Variants in KLF12 observed in about 807,000 individuals in gnomAD.
The protein encoded by KLF12 is Krueppel-like factor 12.
Under a neutral mutation model 37.8 loss-of-function variants are expected in KLF12, and 9 were observed. The observed-to-expected ratio is 0.24, with a 90% CI of 0.14 to 0.42. The LOEUF is 0.42. Among genes scored for constraint, KLF12 ranks in the 10% least tolerant of loss-of-function variants. The pLI, the probability that KLF12 is intolerant of heterozygous loss-of-function variation, is 1.00. For missense variants in KLF12, 411 were observed against 516.0 expected (o/e 0.80, Z 1.97); for synonymous variants, 208 against 202.1 (o/e 1.03, Z -0.25).
intron 1 of KLF12, among the ~76,000 whole-genome samples, chr13:74,126,890 A>C (rs1389866717): frequency 1.3e-5 from 2 of 152,238 alleles, no homozygotes; most frequent in South Asian, 4.1e-4. Flanking sequence ...CCTGTTTACT[A>C]AAGAGTACAT....
chr13:73,749,007 C>T (rs1473427771), intron 6 of KLF12, among the ~76,000 whole-genome samples: 1 of 152,168 alleles, frequency 6.6e-6, no homozygotes, highest in Non-Finnish European at 1.5e-5. Flanking sequence ...GGCCAATTAA[C>T]ACTCGATTTA....
At chr13:74,183,040 C>G in the KLF12 span, among the ~76,000 whole-genome samples, 1 of 152,152 alleles carries the variant, frequency 6.6e-6, no homozygotes, top group Non-Finnish European at 1.5e-5. Context: ...CCATTTTTAA[C>G]TCAAGCCTCA....
At chr13:73,776,584 A>T (rs1880622241) in intron 5 of KLF12, among the ~76,000 whole-genome samples, 1 of 152,250 alleles carries the variant, frequency 6.6e-6, no homozygotes, top group African/African-American at 2.4e-5. Flanking sequence ...TTTGACCAAC[A>T]TCATTTATAG....
chr13:74,079,389 G>A (rs1162459029), intron 1 of KLF12, among the ~76,000 whole-genome samples: 1 of 152,090 alleles, frequency 6.6e-6, no homozygotes, highest in Non-Finnish European at 1.5e-5. Flanking sequence ...TTTATGTTAC[G>A]CATATTTTAT....
At chr13:74,300,848 AT>A in the KLF12 span, among the ~76,000 whole-genome samples, 49 of 152,200 alleles carry the variant, frequency 3.2e-4, no homozygotes, top group Non-Finnish European at 6.0e-4. Context: ...GGTTCCTGGG[AT>A]GAGATTGAGA....
chr13:74,305,052 A>C, the KLF12 span, among the ~76,000 whole-genome samples: 3 of 151,998 alleles, frequency 2.0e-5, no homozygotes, highest in African/African-American at 7.2e-5. Flanking sequence ...ATGCATAATT[A>C]ACCTCCTCCC....
the KLF12 span, among the ~76,000 whole-genome samples, chr13:74,246,192 G>C: frequency 6.6e-6 from 1 of 152,100 alleles, no homozygotes; most frequent in African/African-American, 2.4e-5. Context: ...AAGTGGATAC[G>C]TGCTGTTTTA....
chr13:74,070,509 T>G (rs9573346), intron 1 of KLF12, among the ~76,000 whole-genome samples: 1 of 151,832 alleles, frequency 6.6e-6, no homozygotes, highest in South Asian at 2.1e-4. Context: ...TTGTTTGTTT[T>G]TTCAAGATAC....
chr13:73,822,433 C>T (rs1883579744), intron 4 of KLF12, among the ~76,000 whole-genome samples: 2 of 152,126 alleles, frequency 1.3e-5, no homozygotes, highest in South Asian at 4.1e-4. Context: ...GAATTTCATC[C>T]TTCATCCTAG....
At chr13:73,785,823 C>G (rs1351331093) in intron 5 of KLF12, among the ~76,000 whole-genome samples, 1 of 152,060 alleles carries the variant, frequency 6.6e-6, no homozygotes, top group Non-Finnish European at 1.5e-5. Context: ...TGCTGGATGC[C>G]ATGCATCCAT....
At chr13:74,148,801 G>A in the KLF12 span, among the ~76,000 whole-genome samples, 1 of 151,920 alleles carries the variant, frequency 6.6e-6, no homozygotes, top group African/African-American at 2.4e-5. Context: ...GAGTGTTCAT[G>A]TTTATTCTTG....
chr13:73,749,158 T>C (rs1878572400), intron 6 of KLF12, among the ~76,000 whole-genome samples: 1 of 152,190 alleles, frequency 6.6e-6, no homozygotes, highest in Admixed American at 6.6e-5. Context: ...CTCAGAAAGA[T>C]AAATGGTTTA....
intron 6 of KLF12, among the ~76,000 whole-genome samples, chr13:73,735,427 G>A (rs903558563): frequency 6.6e-6 from 1 of 152,162 alleles, no homozygotes; most frequent in African/African-American, 2.4e-5. Flanking sequence ...GTAATTAGAG[G>A]GATTTCGAGG....
chr13:73,794,541 A>C (rs962582230), intron 5 of KLF12, among the ~76,000 whole-genome samples: 7 of 152,202 alleles, frequency 4.6e-5, no homozygotes, highest in Non-Finnish European at 1.0e-4. Context: ...AAAACATTTA[A>C]CTTTTCTATG....
chr13:74,134,674 C>G (rs1440410952), upstream of KLF12, among the ~76,000 whole-genome samples: 1 of 151,830 alleles, frequency 6.6e-6, no homozygotes, highest in Non-Finnish European at 1.5e-5. Flanking sequence ...CGAGGGGGCC[C>G]GCGGGGGCTT....
intron 1 of KLF12, among the ~76,000 whole-genome samples, chr13:74,116,992 C>T (rs1444957436): frequency 6.6e-6 from 1 of 152,022 alleles, no homozygotes; most frequent in Admixed American, 6.6e-5. Flanking sequence ...ACTCTTATCG[C>T]AACATAAGTT....
intron 2 of KLF12, among the ~76,000 whole-genome samples, chr13:73,958,364 C>T (rs1440850390): frequency 6.6e-6 from 1 of 151,988 alleles, no homozygotes; most frequent in African/African-American, 2.4e-5. Flanking sequence ...CTGCCTCAAC[C>T]TCCCGAGTAG....
the KLF12 span, among the ~76,000 whole-genome samples, chr13:74,147,509 A>G: frequency 1.3e-5 from 2 of 152,192 alleles, no homozygotes; most frequent in Non-Finnish European, 1.5e-5. Flanking sequence ...TTCCCAAAAT[A>G]TGTAGTCACT....
In KLF12 at chr13:73,789,111, T is replaced by C. The variant is rs527790013; in HGVS notation, c.806+24041A>G. 5.3e-5 allele frequency among the ~76,000 whole-genome samples: 8 copies of C among 152,318 alleles called. No homozygotes were observed. The East Asian group carries it at 9.6e-4, about 18-fold the overall frequency. Reference sequence around the variant, plus strand: ...AAGGGCACAAATGATCTTGATAACATAGAACAGTTTCATAAATCATATTGC... The same window carrying C: ...AAGGGCACAAATGATCTTGATAACACAGAACAGTTTCATAAATCATATTGC... On this transcript the variant is annotated intron_variant, in intron 5 of 7. Coordinates refer to ENST00000377669, the MANE Select transcript of KLF12 (RefSeq NM_007249.5).
Sources: allele counts gnomAD v4.1 joint callset (sites outside exome capture counted in the v4.1 genomes callset), GRCh38; gene constraint gnomAD v4.1.1; transcripts MANE v1.5; gene names NCBI Gene and HGNC (gene_info 2026-07-23, HGNC 2026-07-21).